Variants in TPRG1 observed in about 807,000 individuals in gnomAD.
TPRG1 encodes tumor protein p63-regulated gene 1 protein.
A neutral mutation model predicts 29.3 loss-of-function variants in TPRG1; 29 were observed. That is an observed-to-expected ratio of 0.99 (90% confidence interval 0.74 to 1.35). The LOEUF (loss-of-function observed/expected upper bound fraction) is 1.35. Ranked by LOEUF, TPRG1 falls within the 40% of genes most tolerant of loss-of-function variation. The pLI, the probability that TPRG1 is intolerant of heterozygous loss-of-function variation, is 0.00. For missense variants in TPRG1, 327 were observed against 335.0 expected (o/e 0.98, Z 0.19); for synonymous variants, 130 against 116.8 (o/e 1.11, Z -0.73).
At chr3:189,148,594 A>G (rs1296782169) in intron 4 of TPRG1, among the ~76,000 whole-genome samples, 1 of 152,196 alleles carries the variant, frequency 6.6e-6, no homozygotes. Context: ...AGTAAGGAGC[A>G]TGGCAAGAAG....
chr3:189,077,752 G>A (rs1272861823), intron 4 of TPRG1, among the ~76,000 whole-genome samples: 2 of 152,112 alleles, frequency 1.3e-5, no homozygotes, highest in Non-Finnish European at 2.9e-5. Context: ...GTATAGATTA[G>A]ATTTTTATTA....
At chr3:189,152,125 A>G (rs1726018452) in intron 5 of TPRG1, among the ~76,000 whole-genome samples, 1 of 151,878 alleles carries the variant, frequency 6.6e-6, no homozygotes, top group Non-Finnish European at 1.5e-5. Flanking sequence ...TTCACCTTCC[A>G]TGTGACTCAA....
intron 3 of TPRG1, among the ~76,000 whole-genome samples, chr3:189,019,043 G>T (rs1442037955): frequency 6.6e-6 from 1 of 151,942 alleles, no homozygotes; most frequent in Non-Finnish European, 1.5e-5. Context: ...GTCTGTTGTT[G>T]GTGTATAAGA....
chr3:189,123,702 T>C (rs1363327344), intron 1 of TPRG1: 1 of 152,224 alleles, frequency 6.6e-6, no homozygotes, highest in Non-Finnish European at 1.5e-5. Flanking sequence ...ATTTATAAGG[T>C]ACAACATTCA....
intron 4 of TPRG1, among the ~76,000 whole-genome samples, chr3:189,055,314 A>C (rs1455272519): frequency 6.6e-6 from 1 of 152,220 alleles, no homozygotes; most frequent in Non-Finnish European, 1.5e-5. Context: ...TGAGGCAAAA[A>C]TCCATGTGAA....
intron 3 of TPRG1, among the ~76,000 whole-genome samples, chr3:189,232,495 CT>C (rs1738820620): frequency 6.6e-6 from 1 of 152,192 alleles, no homozygotes; most frequent in African/African-American, 2.4e-5. Context: ...CTTCTGTGGG[CT>C]TGAGTTACCA....
chr3:189,086,521 A>G (rs112646565), intron 4 of TPRG1, among the ~76,000 whole-genome samples: 13,274 of 148,360 alleles, frequency 0.089, 750 homozygotes, highest in African/African-American at 0.16. Context: ...CACCACACCC[A>G]GCTAATTTTT....
intron 4 of TPRG1, among the ~76,000 whole-genome samples, chr3:189,036,125 A>G (rs1714253231): frequency 6.6e-6 from 1 of 152,120 alleles, no homozygotes; most frequent in Admixed American, 6.6e-5. Context: ...TTGCAGCAAC[A>G]TGGATGGTCA....
chr3:189,059,097 T>C (rs962586019), intron 4 of TPRG1, among the ~76,000 whole-genome samples: 1 of 152,150 alleles, frequency 6.6e-6, no homozygotes, highest in African/African-American at 2.4e-5. Flanking sequence ...GGCAAGTTAT[T>C]TACCCTAGCG....
chr3:189,095,053 T>C (rs1160268928), intron 4 of TPRG1, among the ~76,000 whole-genome samples: 1 of 152,168 alleles, frequency 6.6e-6, no homozygotes, highest in African/African-American at 2.4e-5. Context: ...ACGACTAGGG[T>C]ACCAATGCAA....
chr3:189,178,708 C>A (rs1404713048), intron 1 of TPRG1, among the ~76,000 whole-genome samples: 1 of 152,092 alleles, frequency 6.6e-6, no homozygotes, highest in East Asian at 1.9e-4. Flanking sequence ...GGTATTTAAA[C>A]CTGGTTTCTA....
intron 4 of TPRG1, among the ~76,000 whole-genome samples, chr3:189,250,330 C>G (rs1741966750): frequency 6.6e-6 from 1 of 152,020 alleles, no homozygotes; most frequent in South Asian, 2.1e-4. Flanking sequence ...CAGAGGAATC[C>G]CGGGTTCTAG....
At chr3:188,998,219 T>TA (rs1335209367) in intron 1 of TPRG1, among the ~76,000 whole-genome samples, 1 of 152,128 alleles carries the variant, frequency 6.6e-6, no homozygotes, top group Non-Finnish European at 1.5e-5. Flanking sequence ...TGTGATGGGA[T>TA]AAAAAATAAT....
chr3:189,024,168 C>T (rs1440107711), intron 4 of TPRG1, among the ~76,000 whole-genome samples: 1 of 152,236 alleles, frequency 6.6e-6, no homozygotes, highest in Non-Finnish European at 1.5e-5. Context: ...GAAATTAGAA[C>T]TCTGTAGCCA....
intron 3 of TPRG1, among the ~76,000 whole-genome samples, chr3:189,136,004 T>A (rs1370266537): frequency 6.6e-6 from 1 of 152,212 alleles, no homozygotes; most frequent in East Asian, 1.9e-4. Flanking sequence ...GAATCTATTA[T>A]AATATCTAAA....
At chr3:189,198,777 T>G (rs1024180735) in intron 1 of TPRG1, among the ~76,000 whole-genome samples, 1 of 152,102 alleles carries the variant, frequency 6.6e-6, no homozygotes, top group East Asian at 1.9e-4. Flanking sequence ...GATTACAGAA[T>G]AGTAGGATCA....
chr3:189,239,200 A>G (rs1260568536), intron 4 of TPRG1, among the ~76,000 whole-genome samples: 1 of 152,168 alleles, frequency 6.6e-6, no homozygotes, highest in Non-Finnish European at 1.5e-5. Context: ...GGGAGGCCTC[A>G]GAATTATGGC....
chr3:189,195,719 C>T (rs527296178), intron 1 of TPRG1, among the ~76,000 whole-genome samples: 1 of 152,224 alleles, frequency 6.6e-6, no homozygotes, highest in East Asian at 1.9e-4. Flanking sequence ...CTATTGGTGT[C>T]CAAGGTGTTG....
At chr3:189,242,498 T>G (rs1051196730) in intron 4 of TPRG1, among the ~76,000 whole-genome samples, 2 of 152,184 alleles carry the variant, frequency 1.3e-5, no homozygotes, top group African/African-American at 4.8e-5. Flanking sequence ...ATTCTTTTTA[T>G]GCATTAGTGG....
Sources: gnomAD v4.1 joint callset for allele counts (sites outside exome capture counted in the v4.1 genomes callset) on GRCh38, gnomAD v4.1.1 for gene constraint, MANE v1.5 for transcripts, NCBI Gene and HGNC (gene_info 2026-07-23, HGNC 2026-07-21) for gene names.